Variants in PLCB1 observed in about 807,000 individuals in gnomAD.
PLCB1 encodes the protein phospholipase C beta 1, also known as 1-phosphatidylinositol 4,5-bisphosphate phosphodiesterase beta-1.
A neutral mutation model predicts 161.8 loss-of-function variants in PLCB1; 46 were observed. The ratio of observed to expected loss-of-function variants is 0.28; its 90% CI spans 0.22 to 0.36. PLCB1 has a LOEUF of 0.36. Among genes scored for constraint, PLCB1 ranks in the 10% least tolerant of loss-of-function variants. The pLI is 1.00. For synonymous variants in PLCB1, 517 were observed against 503.7 expected (o/e 1.03, Z -0.35); for missense variants, 1,016 against 1,472.5 (o/e 0.69, Z 5.07).
At chr20:8,861,021 T>C (rs1025119114) in intron 31 of PLCB1, among the ~76,000 whole-genome samples, 1 of 152,176 alleles carries the variant, frequency 6.6e-6, no homozygotes, top group Non-Finnish European at 1.5e-5. Flanking sequence ...ATTTATTAAA[T>C]AAATATACAT....
chr20:8,346,760 CA>C (rs142871800), intron 2 of PLCB1, among the ~76,000 whole-genome samples: 3,391 of 152,280 alleles, frequency 0.022, 122 homozygotes, highest in African/African-American at 0.076. Context: ...TTGCATTCAA[CA>C]GTTGCTTTTG....
chr20:8,721,317 G>C lies in PLCB1; in HGVS notation c.1514-1037G>C, dbSNP rs60449533. Among the ~76,000 whole-genome samples, 415 of 152,282 alleles carry C rather than the reference G, an allele frequency of 2.7e-3. 1 individual carries two copies. The highest frequency in any genetic ancestry group is 9.6e-3 in the African/African-American group (397 of 41,560). On this transcript the variant is annotated intron_variant, in intron 14 of 31. Transcript: ENST00000338037. ...ATTATTGCCATCTATTGGGCTCATC[G>C]TGCTATTGCATTGTGTGAGCCCTGA...
rs564747160 is a variant in PLCB1 at position 8,570,307 on chromosome 20, C to T, written c.247-57987C>T. ...CTCTGCAACAGTGGTGGAGTCAATTCCCCTCTAAGTCTGTGGCTTCCACCC... is the reference window on the plus strand; with the variant it reads ...CTCTGCAACAGTGGTGGAGTCAATTTCCCTCTAAGTCTGTGGCTTCCACCC... On this transcript the variant is annotated intron_variant, in intron 3 of 31. Coordinates refer to ENST00000338037, the MANE Select transcript of PLCB1 (RefSeq NM_015192.4). Among the ~76,000 whole-genome samples, 25 of 152,252 alleles carry T rather than the reference C, an allele frequency of 1.6e-4. No individual in the cohort carries two copies. The Middle Eastern group carries it at 0.02, about 124-fold the overall frequency.
intron 31 of PLCB1, among the ~76,000 whole-genome samples, chr20:8,839,031 C>T (rs1042999279): frequency 2.0e-5 from 3 of 152,204 alleles, no homozygotes; most frequent in Admixed American, 6.5e-5. Context: ...ATTTAGTTCA[C>T]AGGGATCTTA....
At chr20:8,254,987 A>G (rs909757931) in intron 2 of PLCB1, among the ~76,000 whole-genome samples, 5 of 152,122 alleles carry the variant, frequency 3.3e-5, no homozygotes, top group Non-Finnish European at 7.4e-5. Flanking sequence ...AATCGTTGTC[A>G]TTACTATATT....
chr20:8,297,207 ATGTATATCTATATG>A (rs1383105769), intron 2 of PLCB1, among the ~76,000 whole-genome samples: 2 of 152,140 alleles, frequency 1.3e-5, no homozygotes, highest in African/African-American at 2.4e-5. Flanking sequence ...ATACATATGC[ATGTATATCTATATG>A]TGTATATCTA....
intron 3 of PLCB1, among the ~76,000 whole-genome samples, chr20:8,425,310 T>C (rs570193813): frequency 1.3e-5 from 2 of 152,244 alleles, no homozygotes; most frequent in African/African-American, 4.8e-5. Context: ...ATAGAAAAGG[T>C]CAACTTAGGC....
In PLCB1 at chr20:8,774,969, G is replaced by A. The variant is rs556960531; in HGVS notation, c.3111+250G>A. Among the ~76,000 whole-genome samples, 6 of 151,600 alleles carry A rather than the reference G, an allele frequency of 4.0e-5. No individual in the cohort carries two copies. In the East Asian group the frequency reaches 1.2e-3, roughly 29 times the overall value. On this transcript the variant is annotated intron_variant, in intron 27 of 31. Coordinates refer to ENST00000338037, the MANE Select transcript of PLCB1 (RefSeq NM_015192.4). ...ATCATTTTTATTTTCACTAACTTAT[G>A]TTGAGTTTATAATTGCTTTTGGGAA...
At chr20:8,727,616 T>A (rs1468100815) in intron 17 of PLCB1, among the ~76,000 whole-genome samples, 1 of 152,120 alleles carries the variant, frequency 6.6e-6, no homozygotes, top group Non-Finnish European at 1.5e-5. Context: ...ATTTCAAGGT[T>A]GCCTTCACAC....
At chr20:8,579,516 G>T (rs7343475) in intron 3 of PLCB1, among the ~76,000 whole-genome samples, 22,740 of 152,204 alleles carry the variant, frequency 0.15, 1,781 homozygotes, top group East Asian at 0.25. Context: ...GCATTAGTAT[G>T]AAAATACCTA....
chr20:8,709,055 G>A (rs185365803), intron 12 of PLCB1, among the ~76,000 whole-genome samples: 104 of 152,230 alleles, frequency 6.8e-4, no homozygotes, highest in African/African-American at 2.4e-3. Context: ...TTATAGATTT[G>A]GGGTGCTGTG....
intron 11 of PLCB1, among the ~76,000 whole-genome samples, chr20:8,708,359 T>G (rs1157360407): frequency 6.6e-6 from 1 of 152,128 alleles, no homozygotes; most frequent in Non-Finnish European, 1.5e-5. Context: ...TCTCTTACTG[T>G]CCCAAATGTT....
chr20:8,167,084 G>A (rs974576624), intron 2 of PLCB1, among the ~76,000 whole-genome samples: 1 of 152,170 alleles, frequency 6.6e-6, no homozygotes, highest in African/African-American at 2.4e-5. Flanking sequence ...TGTAAATACT[G>A]TAGTGTCTGA....
chr20:8,860,953 G>C (rs572487998), intron 31 of PLCB1, among the ~76,000 whole-genome samples: 151 of 152,244 alleles, frequency 9.9e-4, no homozygotes, highest in Middle Eastern at 3.4e-3. Flanking sequence ...TGTTTGATTT[G>C]ACAGACAAAT....
At chr20:8,839,778 G>A (rs967845267) in intron 31 of PLCB1, among the ~76,000 whole-genome samples, 9 of 148,070 alleles carry the variant, frequency 6.1e-5, no homozygotes, top group Non-Finnish European at 1.0e-4. Flanking sequence ...GGTGGCTCAC[G>A]CCAGCACTTT....
At chr20:8,186,634 A>G (rs1442535788) in intron 2 of PLCB1, among the ~76,000 whole-genome samples, 2 of 152,142 alleles carry the variant, frequency 1.3e-5, no homozygotes, top group Non-Finnish European at 2.9e-5. Context: ...TAGTTTCTCT[A>G]TTTGCCTGTG....
At chr20:8,471,261 C>G (rs1982040475) in intron 3 of PLCB1, among the ~76,000 whole-genome samples, 1 of 152,116 alleles carries the variant, frequency 6.6e-6, no homozygotes, top group Non-Finnish European at 1.5e-5. Context: ...CAAGGGCTTC[C>G]TTGAACCTTT....
intron 3 of PLCB1, among the ~76,000 whole-genome samples, chr20:8,541,609 G>GAAAGAAAGAAAGAAAGAAAGA (rs1192850084): frequency 1.5e-3 from 89 of 57,744 alleles, no homozygotes; most frequent in African/African-American, 2.2e-3. Context: ...AGAAAGAAAG[G>GAAAGAAAGAAAGAAAGAAAGA]AAGGAAGATA....
intron 3 of PLCB1, among the ~76,000 whole-genome samples, chr20:8,601,242 C>T (rs1347737596): frequency 6.6e-6 from 1 of 152,120 alleles, no homozygotes; most frequent in African/African-American, 2.4e-5. Flanking sequence ...ATTTTAAGTT[C>T]AGGGGTATAT....
Sources: gnomAD v4.1 joint callset for allele counts (sites outside exome capture counted in the v4.1 genomes callset) on GRCh38, gnomAD v4.1.1 for gene constraint, MANE v1.5 for transcripts, NCBI Gene and HGNC (gene_info 2026-07-23, HGNC 2026-07-21) for gene names.